The following CDC5L variants were observed in gnomAD, a reference collection of about 807,000 sequenced individuals.
CDC5L encodes cell division cycle 5-like protein.
A neutral mutation model predicts 104.1 loss-of-function variants in CDC5L; 18 were observed. That is an observed-to-expected ratio of 0.17 (90% CI 0.12 to 0.26). The LOEUF is 0.26. CDC5L is among the 10% of genes least tolerant of loss of function. The probability of loss-of-function intolerance (pLI) is 1.00; values close to 1 mark genes in which losing one functional copy is unlikely to be tolerated. For synonymous variants in CDC5L, 331 were observed against 322.7 expected, an observed-to-expected ratio of 1.03 and a Z score of -0.28; for missense variants, 673 against 956.9, an observed-to-expected ratio of 0.70 and a Z score of 3.91.
chr6:44,392,811 A>C lies in CDC5L; in HGVS notation c.294A>C (p.Glu98Asp). The stretch of plus-strand genomic sequence containing the variant: ...GAAGAACAGCGGCCCAGTGCTTAGA[A>C]CACTATGAATTTCTTCTGTAAGTGA... ...IIGRTAAQCL[E>D]HYEFLLDKAA... The change falls in exon 3 of 16, where the codon GAA (glutamate) becomes GAC (aspartate). Residue 98 changes from glutamate (E) to aspartate (D), a missense_variant. Transcript: ENST00000371477. 1 of 1,613,932 alleles carries C rather than the reference A, an allele frequency of 6.2e-7. No homozygotes were observed.
Position 44,443,254 on chromosome 6 carries a change from G to A in CDC5L, c.2092-2401G>A, listed in dbSNP as rs146807459. 1.1e-4 allele frequency among the ~76,000 whole-genome samples: 17 copies of A among 151,154 alleles called. No individual in the cohort carries two copies. In the East Asian group the frequency reaches 3.1e-3, roughly 28 times the overall value. The stretch of plus-strand genomic sequence containing the variant: ...TCTTATGGAGGTTCCTTTATACATG[G>A]TGATATGCTTTTTTCTTGCAGTTTT... On this transcript the variant is annotated intron_variant, in intron 14 of 15. Coordinates refer to ENST00000371477, the MANE Select transcript of CDC5L (RefSeq NM_001253.4).
Position 44,447,543 on chromosome 6 carries a change from A to G in CDC5L, c.*832A>G, listed in dbSNP as rs1793497702. 1 of 152,184 alleles carries G rather than the reference A, an allele frequency of 6.6e-6. No individual in the cohort carries two copies. Among genetic ancestry groups the G allele is most frequent in the Non-Finnish European group, 1.5e-5 (1 of 68,022 alleles). 9.4% of individuals were successfully genotyped at this position (152,184 alleles called of 1,614,324 possible). ...ATAATTCATATAAATTGATTTAGTT[A>G]CAGTATCAGTTGGCTACAAGCTCAT... On this transcript the variant is annotated 3_prime_UTR_variant, in exon 16 of 16. Transcript: ENST00000371477.
At chr6:44,406,516 A>G in intron 7 of CDC5L, 49 bp downstream of exon 7, 2 of 1,510,564 alleles carry the variant, frequency 1.3e-6, no homozygotes, top group Non-Finnish European at 1.8e-6. Flanking sequence ...ATATGCTTAT[A>G]TCATTTATTC....
At chr6:44,396,292 A>T in intron 4 of CDC5L, 49 bp from the exon 5 acceptor site, 1 of 1,223,240 alleles carries the variant, frequency 8.2e-7, no homozygotes, top group Non-Finnish European at 1.2e-6. Context: ...CTTCTAGAGT[A>T]TGTAAGAACT....
chr6:44,401,718 TATGTATACATG>T (rs1410958074), intron 5 of CDC5L, among the ~76,000 whole-genome samples: 1 of 151,638 alleles, frequency 6.6e-6, no homozygotes, highest in Non-Finnish European at 1.5e-5. Context: ...GTTAGTTACA[TATGTATACATG>T]TGCCATGCTG....
intron 14 of CDC5L, among the ~76,000 whole-genome samples, chr6:44,435,958 T>G (rs1159586036): frequency 6.6e-6 from 1 of 152,004 alleles, no homozygotes; most frequent in African/African-American, 2.4e-5. Context: ...ATTTTTGTAT[T>G]TTAGTAGAGA....
At position 44,424,569 on chromosome 6, in the gene CDC5L, G is replaced by C. The variant is rs1198909844; in HGVS notation, c.1555G>C (p.Asp519His). The change falls in exon 11 of 16, where the codon GAT becomes CAT. Residue 519 changes from aspartate (D) to histidine (H), a missense_variant. Coordinates refer to ENST00000371477, the MANE Select transcript of CDC5L (RefSeq NM_001253.4). ...DTYIEDAADV[D>H]ARKQAIRDAE... ...TTACATTGAAGATGCTGCTGATGTG[G>C]ATGCTCGAAAGCAGGTGGGTAACTG... is the stretch of plus-strand genomic sequence containing the variant. 6 of 1,613,864 alleles carry C rather than the reference G, an allele frequency of 3.7e-6. No individual in the cohort carries two copies. The highest frequency in any genetic ancestry group is 5.1e-6 in the Non-Finnish European group (6 of 1,179,868).
At chr6:44,427,608 GAGAA>G (rs1233045507) in intron 13 of CDC5L, among the ~76,000 whole-genome samples, 1 of 152,114 alleles carries the variant, frequency 6.6e-6, no homozygotes, top group African/African-American at 2.4e-5. Flanking sequence ...TTAGAAAATA[GAGAA>G]AGGAAGGAGG....
chr6:44,416,356 C>T (rs1791907949), intron 8 of CDC5L, among the ~76,000 whole-genome samples: 1 of 152,088 alleles, frequency 6.6e-6, no homozygotes, highest in African/African-American at 2.4e-5. Flanking sequence ...CTCTTTGTCA[C>T]TACTGTTTCT....
Position 44,393,429 on chromosome 6 carries a change from T to A in CDC5L, c.312-17T>A, listed in dbSNP as rs1790711590. 2 of 1,612,144 alleles carry A rather than the reference T, an allele frequency of 1.2e-6. No individual in the cohort carries two copies. The highest frequency in any genetic ancestry group is 4.5e-5 in the East Asian group (2 of 44,822). ...ATGGTACTGTAGTGTGACTAACTCC[T>A]ATGGGCTTTTTTCTAGGGATAAAGC... On this transcript the variant is annotated splice_polypyrimidine_tract_variant and intron_variant, in intron 3 of 15. Transcript: ENST00000371477.
At chr6:44,390,504 T>TAC in intron 2 of CDC5L, 133 bp downstream of exon 2, 1 of 645,386 alleles carries the variant, frequency 1.5e-6, no homozygotes, top group Non-Finnish European at 2.6e-6. Context: ...AGATGGAAGT[T>TAC]GGGTGTTTGA....
Position 44,424,548 on chromosome 6 carries a change from A to G in CDC5L, c.1534A>G (p.Ile512Val), listed in dbSNP as rs1458517843. ...AGAACGTGAAATAGATGATACTTAC[A>G]TTGAAGATGCTGCTGATGTGGATGC... ...LEEREIDDTY[I>V]EDAADVDARK... The change falls in exon 11 of 16, where the codon ATT becomes GTT. Residue 512 changes from isoleucine to valine, a missense_variant. Ile to Val is a conservative substitution (Grantham distance 29, BLOSUM62 3). This residue lies in a region of CDC5L where 578 missense variants were observed against 737.0 expected (regional missense o/e 0.78). Coordinates refer to ENST00000371477, the MANE Select transcript of CDC5L (RefSeq NM_001253.4). The G allele has an allele frequency of 3.1e-6, 5 of 1,613,854 alleles. No individual in the cohort carries two copies. Among genetic ancestry groups the G allele is most frequent in the Non-Finnish European group, 4.2e-6 (5 of 1,179,916 alleles).
chr6:44,395,760 C>A (rs755870985), intron 4 of CDC5L, among the ~76,000 whole-genome samples: 1 of 152,048 alleles, frequency 6.6e-6, no homozygotes, highest in African/African-American at 2.4e-5. Context: ...TTACAAGTTC[C>A]CATGTGATTT....
intron 14 of CDC5L, among the ~76,000 whole-genome samples, chr6:44,436,338 T>G (rs9369488): frequency 0.19 from 29,256 of 152,042 alleles, 3,976 homozygotes; most frequent in East Asian, 0.7. Context: ...TCTGAAGTTT[T>G]AGACATGGGC....
At chr6:44,444,037 A>C (rs755532305) in intron 14 of CDC5L, among the ~76,000 whole-genome samples, 2 of 151,694 alleles carry the variant, frequency 1.3e-5, no homozygotes, top group Non-Finnish European at 2.9e-5. Context: ...ATTTGTTCAG[A>C]CTGTTGTCTC....
chr6:44,391,567 T>C (rs557574496), intron 2 of CDC5L, among the ~76,000 whole-genome samples: 50 of 152,206 alleles, frequency 3.3e-4, no homozygotes, highest in African/African-American at 1.2e-3. Flanking sequence ...TCTTAAATCA[T>C]AGGGTAGTGG....
Position 44,394,891 on chromosome 6 carries a change from T to TACAC in CDC5L, c.439+1343_439+1346dup, listed in dbSNP as rs57508430. Among the ~76,000 whole-genome samples the TACAC allele has an allele frequency of 8.6e-3, 1,088 of 126,006 alleles. 55 individuals carry two copies. Among genetic ancestry groups the TACAC allele is most frequent in the African/African-American group, 0.032 (1,039 of 32,126 alleles). The allele number at this position is 126,006 out of a possible 152,430, so 82.7% of individuals were successfully genotyped here. A position where few individuals can be genotyped will look rare whatever the true frequency, so the allele number is the denominator to read the frequency against. ...AAAAAAAAAAAAAAAAAAAATGGTATACACACACACACACACACACACACA... is the reference window on the plus strand; with the variant it reads ...AAAAAAAAAAAAAAAAAAAATGGTATACACACACACACACACACACACACACACA... On this transcript the variant is annotated intron_variant, in intron 4 of 15. Coordinates refer to ENST00000371477, the MANE Select transcript of CDC5L (RefSeq NM_001253.4).
intron 3 of CDC5L, among the ~76,000 whole-genome samples, chr6:44,393,178 T>G (rs1176745699): frequency 6.6e-6 from 1 of 150,614 alleles, no homozygotes; most frequent in African/African-American, 2.4e-5. Context: ...TTTTTTTTTT[T>G]TTTTTTTTTT....
At chr6:44,404,056 G>C in intron 6 of CDC5L, 29 bp downstream of exon 6, 1 of 1,538,738 alleles carries the variant, frequency 6.5e-7, no homozygotes, top group Non-Finnish European at 8.9e-7. Flanking sequence ...TTTGGAAATG[G>C]AAAGGAATAG....
Sources: allele counts gnomAD v4.1 joint callset (sites outside exome capture counted in the v4.1 genomes callset), GRCh38; gene constraint gnomAD v4.1.1; regional missense constraint gnomAD v4.1.1; transcripts MANE v1.5; gene names NCBI Gene and HGNC (gene_info 2026-07-23, HGNC 2026-07-21).